The following CDC14A variants were observed in gnomAD, a reference collection of about 807,000 sequenced individuals.
CDC14A encodes the protein dual specificity protein phosphatase CDC14A.
A neutral mutation model predicts 74.4 loss-of-function variants in CDC14A; 53 were observed. The ratio of observed to expected loss-of-function variants is 0.71; its 90% CI spans 0.57 to 0.89. CDC14A has a LOEUF of 0.89. Ranked by LOEUF, CDC14A falls within the 40% of genes least tolerant of loss-of-function variation. CDC14A has a pLI of 0.00. For synonymous variants in CDC14A, 247 were observed against 258.4 expected (o/e 0.96, Z 0.43); for missense variants, 646 against 713.7 (o/e 0.91, Z 1.08).
chr1:100,503,202 G>C (rs1648936044), intron 15 of CDC14A, among the ~76,000 whole-genome samples: 2 of 152,310 alleles, frequency 1.3e-5, no homozygotes, highest in Admixed American at 1.3e-4. Flanking sequence ...GTCCAGTGCA[G>C]CTTGTCTAAT....
intron 9 of CDC14A, among the ~76,000 whole-genome samples, chr1:100,467,641 C>T (rs1255735820): frequency 6.6e-6 from 1 of 152,148 alleles, no homozygotes; most frequent in Non-Finnish European, 1.5e-5. Context: ...CCCTTGCTTC[C>T]CTGCCCCAGC....
Position 100,430,455 on chromosome 1 carries a change from T to C in CDC14A, c.389+6154T>C, listed in dbSNP as rs947514453. The stretch of plus-strand genomic sequence containing the variant: ...TAGTGATATCCCAGTTGCTGAGCTC[T>C]GTGGCTGAGTCTTAATGGGAAATCT... On this transcript the variant is annotated intron_variant, in intron 5 of 15. Coordinates refer to ENST00000336454, the MANE Select transcript of CDC14A (RefSeq NM_003672.4). 6.6e-5 allele frequency among the ~76,000 whole-genome samples: 10 copies of C among 152,338 alleles called. No homozygotes were observed. The East Asian group carries it at 1.9e-3, about 29-fold the overall frequency.
At chr1:100,503,113 G>A (rs748901242) in intron 15 of CDC14A, among the ~76,000 whole-genome samples, 1 of 152,060 alleles carries the variant, frequency 6.6e-6, no homozygotes. Context: ...GCTGACTTGT[G>A]GTCAAAAAGC....
chr1:100,347,865 A>G (rs1650564662), upstream of CDC14A, among the ~76,000 whole-genome samples: 1 of 152,228 alleles, frequency 6.6e-6, no homozygotes, highest in Admixed American at 6.5e-5. Context: ...CTAAAAGAGT[A>G]TGTTCTAATG....
intron 4 of CDC14A, among the ~76,000 whole-genome samples, chr1:100,416,083 G>A (rs918293501): frequency 6.6e-6 from 1 of 152,134 alleles, no homozygotes; most frequent in Non-Finnish European, 1.5e-5. Flanking sequence ...ACCAAGTTTT[G>A]GGAGCCAAGG....
chr1:100,517,441 TTAGATTG>T (rs1283428428), intron 15 of CDC14A, among the ~76,000 whole-genome samples: 1 of 152,186 alleles, frequency 6.6e-6, no homozygotes, highest in African/African-American at 2.4e-5. Flanking sequence ...TTGTTAATGT[TTAGATTG>T]ATTTATGTTC....
At chr1:100,408,572 A>G (rs1483503133) in intron 4 of CDC14A, among the ~76,000 whole-genome samples, 2 of 152,216 alleles carry the variant, frequency 1.3e-5, no homozygotes, top group Non-Finnish European at 2.9e-5. Context: ...CAGCCTCACC[A>G]GCATCTGTTA....
rs1292464047 is a variant in CDC14A, at chr1:100,508,597, C to T, written c.1755+9335C>T. On this transcript the variant is annotated intron_variant, in intron 15 of 15. Coordinates refer to ENST00000336454, the MANE Select transcript of CDC14A (RefSeq NM_003672.4). This position sits in a 1 kb window ranked among gnomAD's most constrained non-coding sequence, Gnocchi z 4.4. Reference sequence around the variant, plus strand: ...AGTCTAGAAACAGACCTTAATGACCCAGGCTTCCATCTCTTGGTGAGCTCC... The same window carrying T: ...AGTCTAGAAACAGACCTTAATGACCTAGGCTTCCATCTCTTGGTGAGCTCC... 6.6e-6 allele frequency among the ~76,000 whole-genome samples: 1 copy of T among 152,126 alleles called. No individual in the cohort carries two copies. Among genetic ancestry groups the T allele is most frequent in the Non-Finnish European group, 1.5e-5 (1 of 68,018 alleles).
chr1:100,484,330 G>C lies in CDC14A; in HGVS notation c.1016G>C (p.Arg339Pro). 6.3e-7 allele frequency: 1 copy of C among 1,598,730 alleles called. No individual in the cohort carries two copies. The highest frequency in any genetic ancestry group is 8.5e-7 in the Non-Finnish European group (1 of 1,172,840). The change falls in exon 11 of 16, where the codon CGA becomes CCA. Residue 339 changes from arginine to proline, a missense_variant. Arg to Pro is a moderately radical substitution (Grantham distance 103). Transcript: ENST00000336454. ...TTGTGGGTCCAAGGAGACATTTTCC[G>C]ATCCAAACTGAAAAATCGACCATCC... ...ASLWVQGDIF[R>P]SKLKNRPSSE...
chr1:100,367,484 T>TTTATTTATTTATTTATTTATAG (rs1570968839), intron 2 of CDC14A, among the ~76,000 whole-genome samples: 2 of 152,298 alleles, frequency 1.3e-5, no homozygotes, highest in East Asian at 3.9e-4. Context: ...CAGCAATTTT[T>TTTATTTATTTATTTATTTATAG]CAATGATCTT....
At chr1:100,424,634 A>G (rs1662739223) in intron 5 of CDC14A, among the ~76,000 whole-genome samples, 1 of 152,102 alleles carries the variant, frequency 6.6e-6, no homozygotes, top group Admixed American at 6.6e-5. Flanking sequence ...TGATTCATCC[A>G]TTCATTCTTT....
chr1:100,443,131 G>A (rs1365010480), intron 7 of CDC14A, 135 bp downstream of exon 7: 37 of 623,268 alleles, frequency 5.9e-5, no homozygotes, highest in Non-Finnish European at 8.0e-5. Flanking sequence ...GGTCAGTTTT[G>A]TCCTTTCAGC....
chr1:100,387,302 T>A (rs1293754010), intron 3 of CDC14A, among the ~76,000 whole-genome samples: 1 of 152,238 alleles, frequency 6.6e-6, no homozygotes, highest in Admixed American at 6.5e-5. Context: ...GATTTTTCTC[T>A]GCTCTCATTA....
In CDC14A at chr1:100,488,563, C is replaced by T. The variant is rs3767835; in HGVS notation, c.1137+4112C>T. ...TAATAAACTTCTTCTGGAATTACAA[C>T]GGTTTTTACATTTTGTCTTTCTACT... is the stretch of plus-strand genomic sequence containing the variant. On this transcript the variant is annotated intron_variant, in intron 11 of 15. Coordinates refer to ENST00000336454, the MANE Select transcript of CDC14A (RefSeq NM_003672.4). Among the ~76,000 whole-genome samples, 38 of 152,292 alleles carry T rather than the reference C, an allele frequency of 2.5e-4. 1 individual carries two copies. In the East Asian group the frequency reaches 6.6e-3, roughly 26 times the overall value.
chr1:100,457,798 A>G (rs1047727945), intron 8 of CDC14A, among the ~76,000 whole-genome samples: 19 of 152,048 alleles, frequency 1.2e-4, no homozygotes, highest in Admixed American at 5.9e-4. Flanking sequence ...TAAGTTGTTT[A>G]TCTCTTATTC....
chr1:100,351,727 C>A (rs1651029688), upstream of CDC14A: 4 of 1,548,836 alleles, frequency 2.6e-6, no homozygotes, highest in South Asian at 3.6e-5. Context: ...CTCACATTGG[C>A]GGCCCAGATG....
rs954562182 is a variant in CDC14A at position 100,428,935 on chromosome 1, C to T, written c.389+4634C>T. On this transcript the variant is annotated intron_variant, in intron 5 of 15. Coordinates refer to ENST00000336454, the MANE Select transcript of CDC14A (RefSeq NM_003672.4). ...TTTAAAATGACATATAGGCCGGGCGCGGTGGCTCACGCCTGTAATCCCAGT... is the reference window on the plus strand; with the variant it reads ...TTTAAAATGACATATAGGCCGGGCGTGGTGGCTCACGCCTGTAATCCCAGT... Among the ~76,000 whole-genome samples, 7 of 151,988 alleles carry T rather than the reference C, an allele frequency of 4.6e-5. No homozygotes were observed. In the East Asian group the frequency reaches 5.8e-4, roughly 13 times the overall value.
intron 4 of CDC14A, among the ~76,000 whole-genome samples, chr1:100,421,771 G>A (rs370319136): frequency 4.6e-5 from 7 of 152,142 alleles, no homozygotes; most frequent in African/African-American, 7.2e-5. Context: ...GCAACAACGC[G>A]AGTTTGGAAA....
intron 4 of CDC14A, among the ~76,000 whole-genome samples, chr1:100,392,346 G>A (rs941376505): frequency 8.5e-5 from 13 of 152,108 alleles, no homozygotes; most frequent in East Asian, 1.9e-4. Flanking sequence ...GTAAACAAAC[G>A]TGTTTTTCCT....
Sources: allele counts gnomAD v4.1 joint callset (sites outside exome capture counted in the v4.1 genomes callset), GRCh38; gene constraint gnomAD v4.1.1; non-coding constraint Gnocchi (gnomAD v3.1); transcripts MANE v1.5; gene names NCBI Gene and HGNC (gene_info 2026-07-23, HGNC 2026-07-21).